WWOX: variants seen among roughly 807,000 people sequenced by gnomAD.
The protein encoded by WWOX is WW domain-containing oxidoreductase.
WWOX carries 69 observed loss-of-function variants against 46.2 expected under a neutral mutation model. The ratio of observed to expected loss-of-function variants is 1.49; its 90% CI spans 1.23 to 1.82. WWOX has a LOEUF of 1.82. Among genes scored for constraint, WWOX ranks in the 40% most tolerant of loss-of-function variants. The probability of loss-of-function intolerance (pLI) is 0.00; values close to 1 mark genes in which losing one functional copy is unlikely to be tolerated. For missense variants in WWOX, 919 were observed against 542.6 expected, an observed-to-expected ratio of 1.69 and a Z score of -6.89; for synonymous variants, 359 against 202.6, an observed-to-expected ratio of 1.77 and a Z score of -6.56.
At chr16:79,119,987 G>A (rs148651053) in intron 8 of WWOX, among the ~76,000 whole-genome samples, 1 of 152,306 alleles carries the variant, frequency 6.6e-6, no homozygotes, top group African/African-American at 2.4e-5. Flanking sequence ...CTACAGTCCA[G>A]TGTCAGTGGC....
At chr16:79,070,058 C>G (rs557795558) in intron 8 of WWOX, among the ~76,000 whole-genome samples, 2 of 152,126 alleles carry the variant, frequency 1.3e-5, no homozygotes, top group African/African-American at 4.8e-5. Flanking sequence ...GCAGAATATT[C>G]CTAATATAGT....
chr16:78,292,862 T>C (rs971418000), intron 5 of WWOX, among the ~76,000 whole-genome samples: 7 of 152,132 alleles, frequency 4.6e-5, no homozygotes, highest in Admixed American at 2.0e-4. Context: ...GCTAGGAGGG[T>C]GAGGATTCCA....
rs575272327 is a variant in WWOX, at chr16:78,594,983, G to T, written c.1056+162231G>T. On this transcript the variant is annotated intron_variant, in intron 8 of 8. Coordinates refer to ENST00000566780, the MANE Select transcript of WWOX (RefSeq NM_016373.4). ...CTTTCACAATAACCCTATCCTTACTGTTGAAGACTTGTGGAAAAGGGACAT... is the reference window on the plus strand; with the variant it reads ...CTTTCACAATAACCCTATCCTTACTTTTGAAGACTTGTGGAAAAGGGACAT... Among the ~76,000 whole-genome samples the T allele has an allele frequency of 1.6e-4, 25 of 152,304 alleles. No homozygotes were observed. In the South Asian group the frequency reaches 5.0e-3, roughly 30 times the overall value.
chr16:78,750,172 G>A (rs547962326), intron 8 of WWOX, among the ~76,000 whole-genome samples: 23 of 152,230 alleles, frequency 1.5e-4, no homozygotes, highest in African/African-American at 5.3e-4. Context: ...AGAGGTGTTT[G>A]TACAGTTCAG....
chr16:79,150,126 C>T (rs920132729), intron 8 of WWOX, among the ~76,000 whole-genome samples: 1 of 152,166 alleles, frequency 6.6e-6, no homozygotes, highest in African/African-American at 2.4e-5. Context: ...CTCTGGTTCA[C>T]CAAGCTTAGC....
chr16:78,432,734 G>A lies in WWOX; in HGVS notation c.1038G>A (p.Arg346=), dbSNP rs781040616. 6.2e-7 allele frequency: 1 copy of A among 1,614,158 alleles called. No homozygotes were observed. The highest frequency in any genetic ancestry group is 1.7e-5 in the Admixed American group (1 of 60,022). Residue 346 remains arginine, a synonymous_variant, in exon 8 of 9, where the codon AGG becomes AGA. Coordinates refer to ENST00000566780, the MANE Select transcript of WWOX (RefSeq NM_016373.4). ...ACACACTGCTGTTTACCTTGGCGAGGCCTTTCACCAAGTCCATGGTAAGAG... is the reference window on the plus strand; with the variant it reads ...ACACACTGCTGTTTACCTTGGCGAGACCTTTCACCAAGTCCATGGTAAGAG... The part of the protein sequence containing the change: ...WVYTLLFTLA[R]PFTKSMQQGA...
intron 8 of WWOX, chr16:78,506,695 G>GTTTTTTTTTTTTTTTT (rs1159884484): frequency 2.3e-4 from 2 of 8,638 alleles, no homozygotes; most frequent in African/African-American, 3.1e-4. Flanking sequence ...CTTTTTGTGT[G>GTTTTTTTTTTTTTTTT]TTTTTTTTTT....
At chr16:78,137,839 A>G (rs189441899) in intron 4 of WWOX, among the ~76,000 whole-genome samples, 2 of 151,382 alleles carry the variant, frequency 1.3e-5, no homozygotes, top group Non-Finnish European at 3.0e-5. Context: ...GCTGTACTTG[A>G]GCAGTATCCA....
chr16:79,156,616 T>A (rs2050387048), intron 8 of WWOX, among the ~76,000 whole-genome samples: 1 of 152,048 alleles, frequency 6.6e-6, no homozygotes, highest in South Asian at 2.1e-4. Context: ...TAAAAAAAAA[T>A]TGTGAAGCAC....
chr16:78,733,847 C>G (rs571354244), intron 8 of WWOX, among the ~76,000 whole-genome samples: 9 of 152,122 alleles, frequency 5.9e-5, no homozygotes, highest in Non-Finnish European at 1.2e-4. Flanking sequence ...AAGAGGATCA[C>G]TTGAGCCCAG....
intron 8 of WWOX, among the ~76,000 whole-genome samples, chr16:78,456,383 TA>T (rs11367403): frequency 0.093 from 14,185 of 151,976 alleles, 1,695 homozygotes; most frequent in African/African-American, 0.28. Context: ...ACAAACTTGT[TA>T]AAAAAAATTT....
chr16:78,964,659 T>C (rs34693822), intron 8 of WWOX, among the ~76,000 whole-genome samples: 7,675 of 152,270 alleles, frequency 0.05, 306 homozygotes, highest in South Asian at 0.075. Flanking sequence ...CAGAAATTTG[T>C]GTAAGTGGCA....
At chr16:79,111,486 C>T (rs191566633) in intron 8 of WWOX, among the ~76,000 whole-genome samples, 19 of 152,174 alleles carry the variant, frequency 1.2e-4, no homozygotes, top group African/African-American at 4.3e-4. Context: ...ATCAAGCACT[C>T]GAGTATCCTA....
At chr16:78,984,133 C>G (rs2046738611) in intron 8 of WWOX, among the ~76,000 whole-genome samples, 1 of 152,036 alleles carries the variant, frequency 6.6e-6, no homozygotes, top group Non-Finnish European at 1.5e-5. Context: ...CCGCCTTGGC[C>G]TCCCAAAGTG....
chr16:79,031,035 G>C (rs1337818222), intron 8 of WWOX, among the ~76,000 whole-genome samples: 14 of 150,598 alleles, frequency 9.3e-5, no homozygotes, highest in African/African-American at 2.9e-4. Flanking sequence ...TGAGGCCGCA[G>C]TGAGCCGAGA....
chr16:78,703,189 G>A (rs910199566), intron 8 of WWOX, among the ~76,000 whole-genome samples: 3 of 151,114 alleles, frequency 2.0e-5, no homozygotes, highest in East Asian at 1.9e-4. Flanking sequence ...TCTCTTCTCC[G>A]CTCCTTCCTG....
chr16:78,952,596 C>G (rs920394243), intron 8 of WWOX, among the ~76,000 whole-genome samples: 2 of 152,074 alleles, frequency 1.3e-5, no homozygotes, highest in East Asian at 3.9e-4. Context: ...GTTGGCCAGC[C>G]TGGTCTTGAA....
intron 8 of WWOX, among the ~76,000 whole-genome samples, chr16:78,769,698 C>A (rs370670194): frequency 1.3e-5 from 2 of 151,198 alleles, no homozygotes; most frequent in Admixed American, 1.3e-4. Flanking sequence ...AGGGTTTTGG[C>A]TACTAAAGGG....
At chr16:78,272,348 C>T (rs576610440) in intron 5 of WWOX, among the ~76,000 whole-genome samples, 6 of 152,288 alleles carry the variant, frequency 3.9e-5, no homozygotes, top group African/African-American at 1.4e-4. Context: ...ATGGCCTTTC[C>T]TGCATGGCAG....
Sources: allele counts gnomAD v4.1 joint callset (sites outside exome capture counted in the v4.1 genomes callset), GRCh38; gene constraint gnomAD v4.1.1; transcripts MANE v1.5; gene names NCBI Gene and HGNC (gene_info 2026-07-23, HGNC 2026-07-21).